Variants in C18orf63 observed in about 807,000 individuals in gnomAD.
The protein encoded by C18orf63 is uncharacterized protein C18orf63.
In C18orf63, 50 loss-of-function variants were observed where a neutral mutation model predicts 75.3. That is an observed-to-expected ratio of 0.66 (90% CI 0.53 to 0.84). The LOEUF (loss-of-function observed/expected upper bound fraction) is 0.84, where lower values mean the gene tolerates loss of function less well. Ranked by LOEUF, C18orf63 falls within the 40% of genes least tolerant of loss-of-function variation. The pLI, the probability that C18orf63 is intolerant of heterozygous loss-of-function variation, is 0.00. For missense variants in C18orf63, 732 were observed against 800.2 expected (o/e 0.91, Z 1.03); for synonymous variants, 232 against 267.6 (o/e 0.87, Z 1.30).
intron 11 of C18orf63, among the ~76,000 whole-genome samples, chr18:74,348,052 A>G (rs1984603469): frequency 6.6e-6 from 1 of 152,172 alleles, no homozygotes; most frequent in African/African-American, 2.4e-5. Flanking sequence ...AATATCTATT[A>G]AGTACTAGTT....
chr18:74,356,356 A>G (rs1984764993), intron 13 of C18orf63, 125 bp from the exon 14 acceptor site: 1 of 152,454 alleles, frequency 6.6e-6, no homozygotes, highest in Non-Finnish European at 1.5e-5. Context: ...TTAGCTCCCA[A>G]TAACAGGAAT....
chr18:74,330,941 A>T lies in C18orf63; in HGVS notation c.500A>T (p.Glu167Val). The change falls in exon 7 of 14, where the codon GAG becomes GTG. Residue 167 changes from glutamate (E) to valine (V), a missense_variant and splice_region_variant. Transcript: ENST00000579455. Reference sequence around the variant, plus strand: ...TGCACAATCAGACTGCCAGCACCTGAGGTACCATATATTGTGATTTCTATA... The same window carrying T: ...TGCACAATCAGACTGCCAGCACCTGTGGTACCATATATTGTGATTTCTATA... ...EACTIRLPAPELKEFEISQSI... is the reference protein window; with the variant it reads ...EACTIRLPAPVLKEFEISQSI... 1 of 1,404,446 alleles carries T rather than the reference A, an allele frequency of 7.1e-7. No homozygotes were observed. The highest frequency in any genetic ancestry group is 9.5e-7 in the Non-Finnish European group (1 of 1,049,054). 87.0% of individuals were successfully genotyped at this position (1,404,446 alleles called of 1,614,324 possible). A position where few individuals can be genotyped will look rare whatever the true frequency, so the allele number is the denominator to read the frequency against.
At chr18:74,337,586 T>C (rs1414886294) in intron 7 of C18orf63, among the ~76,000 whole-genome samples, 1 of 152,144 alleles carries the variant, frequency 6.6e-6, no homozygotes, top group East Asian at 1.9e-4. Flanking sequence ...TAACCATGCC[T>C]CCTCTAACCA....
Position 74,359,032 on chromosome 18 carries a change from A to T in C18orf63, c.*2585A>T, listed in dbSNP as rs1282350679. 4 of 152,078 alleles carry T rather than the reference A, an allele frequency of 2.6e-5. No individual in the cohort carries two copies. The highest frequency in any genetic ancestry group is 9.7e-5 in the African/African-American group (4 of 41,414). 9.4% of individuals were successfully genotyped at this position (152,078 alleles called of 1,614,324 possible). A position where few individuals can be genotyped will look rare whatever the true frequency, so the allele number is the denominator to read the frequency against. ...GATGGGGTATTATGCTGAAACTGCT[A>T]ATATATTGGGTATTTATTGATACTT... On this transcript the variant is annotated 3_prime_UTR_variant, in exon 14 of 14. Coordinates refer to ENST00000579455, the MANE Select transcript of C18orf63 (RefSeq NM_001174123.2).
At chr18:74,317,667 G>T (rs1426780854) in intron 1 of C18orf63, among the ~76,000 whole-genome samples, 167 bp from the exon 2 acceptor site, 1 of 152,152 alleles carries the variant, frequency 6.6e-6, no homozygotes, top group Non-Finnish European at 1.5e-5. Context: ...AAAATCATTA[G>T]AAGACCTTAA....
chr18:74,349,670 C>A (rs1305502042), intron 11 of C18orf63, among the ~76,000 whole-genome samples: 2 of 151,934 alleles, frequency 1.3e-5, no homozygotes, highest in Admixed American at 1.3e-4. Flanking sequence ...CAAAACCATC[C>A]CCCCCACCAC....
rs1410499459 is a variant in C18orf63 at position 74,344,781 on chromosome 18, A to AT, written c.978+1083dup. 7.2e-5 allele frequency among the ~76,000 whole-genome samples: 11 copies of AT among 152,114 alleles called. No homozygotes were observed. The East Asian group carries it at 2.1e-3, about 29-fold the overall frequency. Reference sequence around the variant, plus strand: ...CGGTTTATTTTCCTTTATATGTAGCATTTTATTATGTGATTATGCTGCAAT... The same window carrying AT: ...CGGTTTATTTTCCTTTATATGTAGCATTTTTATTATGTGATTATGCTGCAAT... On this transcript the variant is annotated intron_variant, in intron 11 of 13. Transcript: ENST00000579455.
At chr18:74,346,951 T>C (rs1044929093) in intron 11 of C18orf63, among the ~76,000 whole-genome samples, 9 of 152,210 alleles carry the variant, frequency 5.9e-5, no homozygotes, top group Admixed American at 1.3e-4. Flanking sequence ...TCCAAATAAT[T>C]TAACCAAAGC....
At chr18:74,333,079 G>T (rs2145121555) in intron 7 of C18orf63, among the ~76,000 whole-genome samples, 1 of 152,268 alleles carries the variant, frequency 6.6e-6, no homozygotes, top group East Asian at 1.9e-4. Context: ...AACCTGATGA[G>T]ATACTGGCCC....
At chr18:74,349,014 A>G (rs1382915129) in intron 11 of C18orf63, among the ~76,000 whole-genome samples, 3 of 152,360 alleles carry the variant, frequency 2.0e-5, no homozygotes, top group African/African-American at 7.2e-5. Context: ...TATACCACAC[A>G]CATATTCTAG....
intron 11 of C18orf63, among the ~76,000 whole-genome samples, chr18:74,344,268 C>G (rs1984535498): frequency 6.6e-6 from 1 of 152,112 alleles, no homozygotes; most frequent in Admixed American, 6.6e-5. Flanking sequence ...TTTGTCAGAA[C>G]AAAGCTGTTG....
chr18:74,351,485 A>C (rs947000267), intron 11 of C18orf63, among the ~76,000 whole-genome samples: 3 of 152,152 alleles, frequency 2.0e-5, no homozygotes, highest in Admixed American at 2.0e-4. Context: ...AGAGATCCCC[A>C]GCACAGGAAG....
chr18:74,354,422 AT>A (rs1317887571), intron 12 of C18orf63, 34 bp from the exon 13 acceptor site: 1 of 1,346,630 alleles, frequency 7.4e-7, no homozygotes, highest in Non-Finnish European at 1.0e-6. Context: ...TATGCAGTTA[AT>A]TTGTAACAAA....
Position 74,338,793 on chromosome 18 carries a change from AT to A in C18orf63, c.584del (p.Leu195Ter). On this transcript the variant is annotated frameshift_variant, in exon 8 of 14. Coordinates refer to ENST00000579455, the MANE Select transcript of C18orf63 (RefSeq NM_001174123.2). LOFTEE classifies it high-confidence loss of function. Reference protein sequence around the residue: ...NKHAVIERHSILSNWCYVLPS... With the variant: ...NKHAVIERHSXLSNWCYVLPS... ...GCATGCTGTCATTGAGAGACATTCC[AT>A]TTTAAGCAACTGGTGCTACGTTTTG... 1 of 1,413,376 alleles carries A rather than the reference AT, an allele frequency of 7.1e-7. No homozygotes were observed. The highest frequency in any genetic ancestry group is 9.3e-7 in the Non-Finnish European group (1 of 1,070,692). The allele number at this position is 1,413,376 out of a possible 1,614,324, so 87.6% of individuals were successfully genotyped here.
At chr18:74,319,164 A>G (rs2145113281) in intron 2 of C18orf63, among the ~76,000 whole-genome samples, 1 of 152,298 alleles carries the variant, frequency 6.6e-6, no homozygotes, top group Admixed American at 6.5e-5. Flanking sequence ...ATAGGTAGAA[A>G]ACCTAAAGTG....
intron 8 of C18orf63, among the ~76,000 whole-genome samples, chr18:74,340,845 T>G (rs976034638): frequency 6.6e-6 from 1 of 152,098 alleles, no homozygotes; most frequent in South Asian, 2.1e-4. Context: ...TTACCGGGGC[T>G]GGGTAGGTGG....
At chr18:74,327,098 G>C (rs942522788) in intron 4 of C18orf63, among the ~76,000 whole-genome samples, 1 of 152,048 alleles carries the variant, frequency 6.6e-6, no homozygotes, top group Non-Finnish European at 1.5e-5. Flanking sequence ...AGCATGACAA[G>C]ATAACGAAGG....
At chr18:74,327,507 TC>T (rs1291236848) in intron 4 of C18orf63, among the ~76,000 whole-genome samples, 1 of 152,116 alleles carries the variant, frequency 6.6e-6, no homozygotes, top group Non-Finnish European at 1.5e-5. Flanking sequence ...ACTCTCTTCC[TC>T]CCCAGTTCAT....
chr18:74,329,154 C>A, intron 6 of C18orf63, 118 bp downstream of exon 6: 1 of 618,522 alleles, frequency 1.6e-6, no homozygotes, highest in Non-Finnish European at 2.9e-6. Flanking sequence ...TTTGGGAGGC[C>A]AAGGTAGGTA....
Sources: gnomAD v4.1 joint callset for allele counts (sites outside exome capture counted in the v4.1 genomes callset) on GRCh38, gnomAD v4.1.1 for gene constraint, MANE v1.5 for transcripts, NCBI Gene and HGNC (gene_info 2026-07-23, HGNC 2026-07-21) for gene names.